Variants in FAM13C observed in about 807,000 individuals in gnomAD.
FAM13C encodes the protein protein FAM13C.
In FAM13C, 37 loss-of-function variants were observed where a neutral mutation model predicts 73.2. The observed-to-expected ratio is 0.51, with a 90% confidence interval of 0.39 to 0.67. The LOEUF is 0.67. FAM13C is among the 30% of genes least tolerant of loss of function. FAM13C has a pLI of 0.00. For missense variants in FAM13C, 589 were observed against 715.6 expected (o/e 0.82, Z 2.02); for synonymous variants, 246 against 260.9 (o/e 0.94, Z 0.55).
intron 10 of FAM13C, among the ~76,000 whole-genome samples, chr10:59,260,580 C>T (rs1842407553): frequency 6.6e-6 from 1 of 152,042 alleles, no homozygotes; most frequent in Non-Finnish European, 1.5e-5. Flanking sequence ...GAAACTATAC[C>T]CATATTTTCT....
chr10:59,327,931 C>G (rs1383612000), intron 3 of FAM13C, among the ~76,000 whole-genome samples: 3 of 152,244 alleles, frequency 2.0e-5, no homozygotes, highest in Non-Finnish European at 4.4e-5. Context: ...CCAAACTGAC[C>G]AAGGGGACTG....
intron 1 of FAM13C, among the ~76,000 whole-genome samples, chr10:59,356,771 G>A (rs745725766): frequency 7.2e-5 from 11 of 152,170 alleles, no homozygotes; most frequent in Non-Finnish European, 1.3e-4. Flanking sequence ...GTGTCTGTGA[G>A]GGTGTTGCCA....
chr10:59,287,054 A>C (rs1029476261), intron 5 of FAM13C, among the ~76,000 whole-genome samples: 4 of 135,280 alleles, frequency 3.0e-5, no homozygotes, highest in Admixed American at 7.5e-5. Flanking sequence ...AAAAAAAAAA[A>C]GGCCAGGTGT....
chr10:59,325,476 C>T (rs754194400), intron 3 of FAM13C, among the ~76,000 whole-genome samples: 1 of 152,162 alleles, frequency 6.6e-6, no homozygotes, highest in Admixed American at 6.5e-5. Flanking sequence ...TAAGAAGACA[C>T]TCCACATGAA....
chr10:59,317,229 G>T (rs181022752), intron 4 of FAM13C, among the ~76,000 whole-genome samples: 1 of 151,848 alleles, frequency 6.6e-6, no homozygotes, highest in Non-Finnish European at 1.5e-5. Flanking sequence ...GAGTAGCCAC[G>T]ACTTCATTGG....
intron 3 of FAM13C, among the ~76,000 whole-genome samples, chr10:59,343,914 C>A (rs1853860944): frequency 6.6e-6 from 1 of 151,958 alleles, no homozygotes; most frequent in South Asian, 2.1e-4. Flanking sequence ...TTTTTGCCAG[C>A]CAAATGAGTC....
At chr10:59,267,312 T>G (rs1843175337) in intron 8 of FAM13C, among the ~76,000 whole-genome samples, 1 of 152,208 alleles carries the variant, frequency 6.6e-6, no homozygotes. Flanking sequence ...TCTATTCTAT[T>G]GCAGAACCTA....
At chr10:59,339,204 C>T (rs190978908) in intron 3 of FAM13C, among the ~76,000 whole-genome samples, 1 of 152,206 alleles carries the variant, frequency 6.6e-6, no homozygotes, top group Admixed American at 6.5e-5. Context: ...AAGATGATCT[C>T]ATCTGAATTC....
chr10:59,261,241 CCTT>C (rs1179835224), intron 10 of FAM13C, among the ~76,000 whole-genome samples: 2 of 152,052 alleles, frequency 1.3e-5, no homozygotes, highest in African/African-American at 2.4e-5. Flanking sequence ...GTGGATGAAA[CCTT>C]CTCTTCACTC....
intron 5 of FAM13C, among the ~76,000 whole-genome samples, chr10:59,290,730 C>T (rs930614559): frequency 6.6e-6 from 1 of 152,196 alleles, no homozygotes; most frequent in African/African-American, 2.4e-5. Flanking sequence ...TGTTTATCAG[C>T]TCCATGAGAG....
chr10:59,273,417 A>G (rs919777825), intron 6 of FAM13C, among the ~76,000 whole-genome samples: 1 of 152,158 alleles, frequency 6.6e-6, no homozygotes, highest in Non-Finnish European at 1.5e-5. Flanking sequence ...CTACAGGGTT[A>G]ATGTGGAAAA....
chr10:59,251,523 C>G, intron 13 of FAM13C, 52 bp downstream of exon 13: 4 of 1,504,546 alleles, frequency 2.7e-6, no homozygotes, highest in Non-Finnish European at 3.7e-6. Context: ...TCATTTTTAA[C>G]AGCAATTCTC....
At chr10:59,268,799 G>A (rs1236817023) in intron 7 of FAM13C, 108 bp from the exon 8 acceptor site, 1 of 1,360,088 alleles carries the variant, frequency 7.4e-7, no homozygotes, top group Non-Finnish European at 9.8e-7. Context: ...AGTCCAGAGG[G>A]AAGTTCATTA....
chr10:59,338,948 T>C (rs1007199925), intron 3 of FAM13C, among the ~76,000 whole-genome samples: 1 of 152,188 alleles, frequency 6.6e-6, no homozygotes, highest in Admixed American at 6.5e-5. Flanking sequence ...TCTCTCACAG[T>C]TGTGGAGGCC....
upstream of FAM13C, chr10:59,362,712 C>T: frequency 7.1e-6 from 5 of 706,190 alleles, no homozygotes; most frequent in African/African-American, 1.9e-5. Context: ...GCTGGGACCC[C>T]GGGATCCAGC....
intron 10 of FAM13C, among the ~76,000 whole-genome samples, chr10:59,260,181 G>A (rs565002643): frequency 1.3e-5 from 2 of 151,826 alleles, no homozygotes; most frequent in Non-Finnish European, 2.9e-5. Flanking sequence ...CAAGGCCACC[G>A]TGCTAATCCA....
chr10:59,344,578 G>C (rs991021731), intron 3 of FAM13C, among the ~76,000 whole-genome samples: 3 of 152,160 alleles, frequency 2.0e-5, no homozygotes, highest in South Asian at 4.2e-4. Context: ...CATCACGCCC[G>C]GCCTGTAAAC....
intron 1 of FAM13C, among the ~76,000 whole-genome samples, chr10:59,357,000 C>T (rs1467153882): frequency 3.3e-5 from 5 of 152,298 alleles, no homozygotes; most frequent in African/African-American, 9.6e-5. Flanking sequence ...TTTGGACTCT[C>T]GGACTTACAC....
chr10:59,285,297 G>A (rs1292842659), intron 5 of FAM13C, among the ~76,000 whole-genome samples: 1 of 152,150 alleles, frequency 6.6e-6, no homozygotes, highest in East Asian at 1.9e-4. Context: ...GCTGAGTGTG[G>A]AAGCAAGAAC....
Sources: gnomAD v4.1 joint callset for allele counts (sites outside exome capture counted in the v4.1 genomes callset) on GRCh38, gnomAD v4.1.1 for gene constraint, MANE v1.5 for transcripts, NCBI Gene and HGNC (gene_info 2026-07-23, HGNC 2026-07-21) for gene names.